Variants in PRELID2 observed in about 807,000 individuals in gnomAD.
The protein encoded by PRELID2 is PRELI domain-containing protein 2.
In PRELID2, 25 loss-of-function variants were observed where a neutral mutation model predicts 28.4. That is an observed-to-expected ratio of 0.88 (90% CI 0.64 to 1.23). The LOEUF is 1.23. Among genes scored for constraint, PRELID2 ranks in the 50% most tolerant of loss-of-function variants. The probability of loss-of-function intolerance (pLI) is 0.00; values close to 1 mark genes in which losing one functional copy is unlikely to be tolerated. For synonymous variants in PRELID2, 76 were observed against 71.6 expected, an observed-to-expected ratio of 1.06 and a Z score of -0.31; for missense variants, 201 against 214.4, an observed-to-expected ratio of 0.94 and a Z score of 0.39.
the PRELID2 span, among the ~76,000 whole-genome samples, chr5:145,341,243 C>A: frequency 2.6e-5 from 4 of 151,316 alleles, no homozygotes; most frequent in South Asian, 8.4e-4. Flanking sequence ...AATTCTCTAG[C>A]AACAGATCTC....
chr5:145,299,768 C>T, the PRELID2 span, among the ~76,000 whole-genome samples: 1 of 151,698 alleles, frequency 6.6e-6, no homozygotes, highest in South Asian at 2.1e-4. Flanking sequence ...TCATTGGGGA[C>T]TGCAAAATGG....
the PRELID2 span, among the ~76,000 whole-genome samples, chr5:145,409,083 T>A: frequency 1.3e-5 from 2 of 151,992 alleles, no homozygotes; most frequent in African/African-American, 4.8e-5. Flanking sequence ...TTAAAGAAAA[T>A]AATTGTCAGC....
downstream of PRELID2, among the ~76,000 whole-genome samples, chr5:145,755,110 T>C (rs1757221887): frequency 6.6e-6 from 1 of 152,170 alleles, no homozygotes; most frequent in African/African-American, 2.4e-5. Flanking sequence ...GCTTTATTAG[T>C]ACAATCTTGA....
chr5:145,270,485 T>C, the PRELID2 span, among the ~76,000 whole-genome samples: 1 of 152,086 alleles, frequency 6.6e-6, no homozygotes, highest in African/African-American at 2.4e-5. Flanking sequence ...AAAGAGTGCA[T>C]AGTGTGTAAT....
intron 5 of PRELID2, among the ~76,000 whole-genome samples, chr5:145,771,051 G>A (rs1318146566): frequency 1.3e-5 from 2 of 151,990 alleles, no homozygotes; most frequent in Non-Finnish European, 2.9e-5. Context: ...ACCACTTACT[G>A]ACTCGCCCAC....
At chr5:145,389,335 C>G in the PRELID2 span, among the ~76,000 whole-genome samples, 1 of 152,004 alleles carries the variant, frequency 6.6e-6, no homozygotes, top group East Asian at 1.9e-4. Context: ...TGTAATGTAA[C>G]AGCCTTCACA....
chr5:145,336,588 A>G, the PRELID2 span, among the ~76,000 whole-genome samples: 3 of 152,132 alleles, frequency 2.0e-5, no homozygotes, highest in East Asian at 3.9e-4. Flanking sequence ...AGTTGTAGAT[A>G]TGTGGCGTTA....
At chr5:145,777,102 A>T (rs1034145379) in intron 5 of PRELID2, among the ~76,000 whole-genome samples, 1 of 152,214 alleles carries the variant, frequency 6.6e-6, no homozygotes, top group African/African-American at 2.4e-5. Flanking sequence ...TTCACGTCTT[A>T]TATGGAATTT....
At chr5:145,553,505 T>C (rs1276260648) in intron 1 of PRELID2, among the ~76,000 whole-genome samples, 2 of 152,290 alleles carry the variant, frequency 1.3e-5, no homozygotes, top group Non-Finnish European at 2.9e-5. Context: ...ACAAGACTAA[T>C]AGTAGTTTCT....
At chr5:145,793,811 G>T (rs1363314167) in intron 5 of PRELID2, among the ~76,000 whole-genome samples, 2 of 152,216 alleles carry the variant, frequency 1.3e-5, no homozygotes, top group Middle Eastern at 3.4e-3. Context: ...AAGGGAATAA[G>T]AATTAAGGTG....
At chr5:145,373,851 G>A in the PRELID2 span, among the ~76,000 whole-genome samples, 14 of 77,364 alleles carry the variant, frequency 1.8e-4, no homozygotes, top group African/African-American at 7.4e-4. Context: ...TAATATATAT[G>A]ATATTATATA....
intron 1 of PRELID2, among the ~76,000 whole-genome samples, chr5:145,630,763 C>T (rs972576160): frequency 2.0e-5 from 3 of 152,262 alleles, no homozygotes; most frequent in African/African-American, 7.2e-5. Flanking sequence ...AGTATGTGCA[C>T]CTAAGACTGA....
chr5:145,581,958 T>C lies in PRELID2; in HGVS notation n.71-108643A>G, dbSNP rs558345706. 2.6e-3 allele frequency among the ~76,000 whole-genome samples: 398 copies of C among 152,234 alleles called. 5 individuals carry two copies. In the Middle Eastern group the frequency reaches 0.027, roughly 10 times the overall value. On this transcript the variant is annotated intron_variant and non_coding_transcript_variant, in intron 1 of 2. Transcript: ENST00000510259. ...ACTGATTCAAATTAGCCATATTCAG[T>C]GCAACTTAAAAGAAATCACAGAAAA...
chr5:145,824,652 G>A (rs1425509301), intron 1 of PRELID2, among the ~76,000 whole-genome samples: 1 of 152,090 alleles, frequency 6.6e-6, no homozygotes, highest in African/African-American at 2.4e-5. Context: ...AAAGCACTCA[G>A]TCAATATTTT....
At chr5:145,652,280 G>A (rs1754311967) in intron 1 of PRELID2, among the ~76,000 whole-genome samples, 1 of 152,228 alleles carries the variant, frequency 6.6e-6, no homozygotes, top group Non-Finnish European at 1.5e-5. Context: ...TGTCTGATTG[G>A]CATACCTGAA....
intron 1 of PRELID2, among the ~76,000 whole-genome samples, chr5:145,650,548 ATATATATAT>A (rs1754276124): frequency 8.2e-6 from 1 of 121,644 alleles, no homozygotes. Flanking sequence ...ATATATATAT[ATATATATAT>A]ATATATATAT....
chr5:145,601,927 G>A (rs955792223), intron 1 of PRELID2, among the ~76,000 whole-genome samples: 10 of 152,174 alleles, frequency 6.6e-5, no homozygotes, highest in Admixed American at 2.6e-4. Flanking sequence ...ATGAAACTTT[G>A]GGAAGTAGTG....
At chr5:145,403,086 T>C in the PRELID2 span, among the ~76,000 whole-genome samples, 1 of 152,164 alleles carries the variant, frequency 6.6e-6, no homozygotes, top group Non-Finnish European at 1.5e-5. Flanking sequence ...CCTTAGAAGG[T>C]AGAGCTTTCC....
chr5:145,384,939 G>A, the PRELID2 span, among the ~76,000 whole-genome samples: 11 of 152,106 alleles, frequency 7.2e-5, no homozygotes, highest in African/African-American at 2.7e-4. Flanking sequence ...TACTGGTAAT[G>A]ACATTTCAAC....
Sources: gnomAD v4.1 joint callset for allele counts (sites outside exome capture counted in the v4.1 genomes callset) on GRCh38, gnomAD v4.1.1 for gene constraint, MANE v1.5 for transcripts, NCBI Gene and HGNC (gene_info 2026-07-23, HGNC 2026-07-21) for gene names.